The following SGPP2 variants were observed in gnomAD, a reference collection of about 807,000 sequenced individuals.
SGPP2 encodes the protein sphingosine-1-phosphate phosphatase 2.
In SGPP2, 30 loss-of-function variants were observed where a neutral mutation model predicts 33.9. That is an observed-to-expected ratio of 0.89 (90% CI 0.66 to 1.20). SGPP2 has a LOEUF of 1.20. SGPP2 is among the 50% of genes most tolerant of loss of function. SGPP2 has a pLI of 0.00. For missense variants in SGPP2, 458 were observed against 532.1 expected, an observed-to-expected ratio of 0.86 and a Z score of 1.37; for synonymous variants, 233 against 225.0, an observed-to-expected ratio of 1.04 and a Z score of -0.32.
At chr2:222,481,045 G>C (rs866948181) in intron 2 of SGPP2, among the ~76,000 whole-genome samples, 1 of 152,122 alleles carries the variant, frequency 6.6e-6, no homozygotes, top group African/African-American at 2.4e-5. Context: ...TGATTGATGA[G>C]AACACACAGA....
At chr2:222,494,912 C>T (rs1384765221) in intron 2 of SGPP2, among the ~76,000 whole-genome samples, 2 of 152,086 alleles carry the variant, frequency 1.3e-5, no homozygotes, top group South Asian at 2.1e-4. Flanking sequence ...TTTAACTTTC[C>T]CTTAAAATAT....
chr2:222,452,198 T>C (rs1697501713), intron 1 of SGPP2, among the ~76,000 whole-genome samples: 1 of 151,988 alleles, frequency 6.6e-6, no homozygotes, highest in Non-Finnish European at 1.5e-5. Context: ...TCCAGGAAGA[T>C]CCAATAGGAA....
intron 2 of SGPP2, among the ~76,000 whole-genome samples, chr2:222,488,374 A>T (rs1220668898): frequency 1.3e-5 from 2 of 152,182 alleles, no homozygotes; most frequent in Non-Finnish European, 2.9e-5. Flanking sequence ...GTGGCATTAG[A>T]TTCTCTTAGG....
chr2:222,431,673 C>A (rs1222613873), intron 1 of SGPP2, among the ~76,000 whole-genome samples: 1 of 152,100 alleles, frequency 6.6e-6, no homozygotes, highest in Non-Finnish European at 1.5e-5. Context: ...TCGGGTAACC[C>A]CAGACCCACT....
chr2:222,516,850 C>T (rs1331122549), intron 2 of SGPP2, among the ~76,000 whole-genome samples: 5 of 152,202 alleles, frequency 3.3e-5, no homozygotes, highest in African/African-American at 1.2e-4. Context: ...TGGTCACTTT[C>T]TACGTGCCAG....
intron 2 of SGPP2, among the ~76,000 whole-genome samples, chr2:222,515,165 C>T (rs1047760621): frequency 6.6e-6 from 1 of 152,172 alleles, no homozygotes; most frequent in African/African-American, 2.4e-5. Flanking sequence ...CATCCCCACT[C>T]TACTCTTGGT....
chr2:222,440,917 C>T (rs920335244), intron 1 of SGPP2, among the ~76,000 whole-genome samples: 2 of 152,208 alleles, frequency 1.3e-5, no homozygotes, highest in Non-Finnish European at 2.9e-5. Flanking sequence ...TCTACACTCC[C>T]TTCTACTTTT....
chr2:222,452,387 A>G (rs1697505130), intron 1 of SGPP2: 3 of 739,226 alleles, frequency 4.1e-6, no homozygotes, highest in Non-Finnish European at 7.4e-6. Context: ...AGTAATATCA[A>G]TTTCACTCTC....
chr2:222,509,633 C>T (rs1698495966), intron 2 of SGPP2, among the ~76,000 whole-genome samples: 1 of 152,116 alleles, frequency 6.6e-6, no homozygotes, highest in Non-Finnish European at 1.5e-5. Context: ...TTTGCTTCTT[C>T]TTCTATTCTG....
rs111719333 is a variant in SGPP2, at chr2:222,509,360, CA to C, written c.379-12398del. Among the ~76,000 whole-genome samples the C allele has an allele frequency of 3.4e-4, 51 of 150,138 alleles. 1 individual carries two copies. The highest frequency in any genetic ancestry group is 1.2e-3 in the East Asian group (6 of 5,130). On this transcript the variant is annotated intron_variant, in intron 2 of 4. Transcript: ENST00000321276. ...AAGATGTATAACTATTATGTATTAA[CA>C]AAAAAAAATCAGTATAATTGTTATG... is the stretch of plus-strand genomic sequence containing the variant.
intron 2 of SGPP2, among the ~76,000 whole-genome samples, chr2:222,487,756 C>G (rs955848328): frequency 6.6e-6 from 1 of 152,172 alleles, no homozygotes; most frequent in Non-Finnish European, 1.5e-5. Flanking sequence ...GGCTGGACAA[C>G]ATAACCACGC....
chr2:222,427,458 T>G lies in SGPP2; in HGVS notation c.219+2637T>G, dbSNP rs141860328. 5.7e-3 allele frequency among the ~76,000 whole-genome samples: 874 copies of G among 152,222 alleles called. 8 individuals are homozygous for G. The highest frequency in any genetic ancestry group is 0.02 in the African/African-American group (824 of 41,534). On this transcript the variant is annotated intron_variant, in intron 1 of 4. Transcript: ENST00000321276. ...TGTTGTTGTTGTTATTGTTGTTTTT[T>G]GTAGAGACAGGGTCTCACTATGTTG...
chr2:222,449,226 C>G (rs1346444152), intron 1 of SGPP2, among the ~76,000 whole-genome samples: 2 of 152,144 alleles, frequency 1.3e-5, no homozygotes, highest in Admixed American at 1.3e-4. Flanking sequence ...GGTGGGGCTG[C>G]TATTTGGAGA....
At chr2:222,503,366 C>A (rs1698395678) in intron 2 of SGPP2, among the ~76,000 whole-genome samples, 1 of 152,082 alleles carries the variant, frequency 6.6e-6, no homozygotes, top group Admixed American at 6.5e-5. Flanking sequence ...GGGAAGAGAG[C>A]ATGGTGAATT....
At chr2:222,501,925 A>G (rs1425895127) in intron 2 of SGPP2, among the ~76,000 whole-genome samples, 1 of 151,348 alleles carries the variant, frequency 6.6e-6, no homozygotes, top group Admixed American at 6.6e-5. Flanking sequence ...TGTTTTTATG[A>G]TTATCATTTT....
At chr2:222,464,425 A>G (rs1697712948) in intron 1 of SGPP2, among the ~76,000 whole-genome samples, 1 of 152,130 alleles carries the variant, frequency 6.6e-6, no homozygotes, top group Admixed American at 6.6e-5. Context: ...CCCTCTCACT[A>G]TCCTATGCCC....
chr2:222,442,118 G>A (rs572231345), intron 1 of SGPP2, among the ~76,000 whole-genome samples: 53 of 151,992 alleles, frequency 3.5e-4, no homozygotes, highest in Non-Finnish European at 5.9e-4. Flanking sequence ...TCCTTCCTTG[G>A]GCAAAAATAT....
At chr2:222,462,910 A>G (rs1054862295) in intron 1 of SGPP2, among the ~76,000 whole-genome samples, 2 of 152,164 alleles carry the variant, frequency 1.3e-5, no homozygotes, top group African/African-American at 4.8e-5. Context: ...GGGAAGGACC[A>G]TTGTTCCCAC....
At chr2:222,501,493 A>C (rs547885259) in intron 2 of SGPP2, among the ~76,000 whole-genome samples, 3 of 152,130 alleles carry the variant, frequency 2.0e-5, no homozygotes, top group Admixed American at 2.0e-4. Context: ...AAATGACCCA[A>C]CTCTGACCAA....
Sources: allele counts gnomAD v4.1 joint callset (sites outside exome capture counted in the v4.1 genomes callset), GRCh38; gene constraint gnomAD v4.1.1; transcripts MANE v1.5; gene names NCBI Gene and HGNC (gene_info 2026-07-23, HGNC 2026-07-21).